Variants in MOB1A observed in about 807,000 individuals in gnomAD.
The protein encoded by MOB1A is MOB1 Mps One Binder homolog A.
MOB1A carries 10 observed loss-of-function variants against 25.1 expected under a neutral mutation model. The observed-to-expected ratio is 0.40, with a 90% confidence interval of 0.25 to 0.68. The LOEUF (loss-of-function observed/expected upper bound fraction) is 0.68, where lower values mean the gene tolerates loss of function less well. Among genes scored for constraint, MOB1A ranks in the 30% least tolerant of loss-of-function variants. The probability of loss-of-function intolerance (pLI) is 0.40; values close to 1 mark genes in which losing one functional copy is unlikely to be tolerated. For synonymous variants in MOB1A, 81 were observed against 79.5 expected (o/e 1.02, Z -0.10); for missense variants, 177 against 256.3 (o/e 0.69, Z 2.11).
chr2:74,172,629 CAT>C lies in MOB1A; in HGVS notation c.136_137del (p.Met46ValfsTer3). The C allele has an allele frequency of 6.2e-7, 1 of 1,613,946 alleles. No individual in the cohort carries two copies. On this transcript the variant is annotated frameshift_variant, in exon 2 of 6. Transcript: ENST00000396049. LOFTEE classifies it high-confidence loss of function. ...LGSGNLRQAV[M>X]LPEGEDLNEW... ...CATTGAGATCCTCTCCCTCAGGCAACATAACAGCTTGTCTCAGATTCCCACTT... is the reference window on the plus strand; with the variant it reads ...CATTGAGATCCTCTCCCTCAGGCAACAACAGCTTGTCTCAGATTCCCACTT...
chr2:74,178,629 AG>A, intron 1 of MOB1A, 31 bp downstream of exon 1: 1 of 1,377,740 alleles, frequency 7.3e-7, no homozygotes, highest in Non-Finnish European at 9.5e-7. Context: ...CTCGGCCCGC[AG>A]GCCCGGCGCC....
intron 1 of MOB1A, among the ~76,000 whole-genome samples, chr2:74,174,636 A>G (rs1331521556): frequency 1.3e-5 from 2 of 152,250 alleles, no homozygotes; most frequent in Non-Finnish European, 2.9e-5. Context: ...CACCATCCAT[A>G]AAGTCTTCCT....
intron 4 of MOB1A, 46 bp from the exon 5 acceptor site, chr2:74,159,300 G>C: frequency 1.3e-6 from 2 of 1,547,356 alleles, no homozygotes; most frequent in Non-Finnish European, 1.8e-6. Flanking sequence ...TTATCTAACA[G>C]TAGAAAGTTG....
At chr2:74,166,087 T>C (rs899253948) in intron 3 of MOB1A, among the ~76,000 whole-genome samples, 1 of 151,328 alleles carries the variant, frequency 6.6e-6, no homozygotes, top group East Asian at 1.9e-4. Flanking sequence ...TATCATCACA[T>C]AAAATCAGTC....
intron 4 of MOB1A, among the ~76,000 whole-genome samples, chr2:74,163,427 T>C (rs1693031987): frequency 6.6e-6 from 1 of 152,072 alleles, no homozygotes; most frequent in East Asian, 1.9e-4. Context: ...GCTTGAGCCC[T>C]GGAGTTCGAG....
intron 1 of MOB1A, among the ~76,000 whole-genome samples, chr2:74,175,406 T>C (rs6715845): frequency 0.053 from 8,050 of 152,132 alleles, 676 homozygotes; most frequent in African/African-American, 0.18. Flanking sequence ...TGTGGAAAAA[T>C]TGTCTTCCAC....
chr2:74,156,730 C>T (rs1285017859), intron 5 of MOB1A, 85 bp from the exon 6 acceptor site: 3 of 941,596 alleles, frequency 3.2e-6, no homozygotes, highest in Non-Finnish European at 4.8e-6. Flanking sequence ...ATTCCCAACT[C>T]TAGTTTTCTG....
intron 4 of MOB1A, chr2:74,164,032 C>A (rs537278746): frequency 1.5e-4 from 23 of 152,208 alleles, no homozygotes; most frequent in African/African-American, 5.5e-4. Context: ...CTAACAGATG[C>A]AGAGCCACAG....
intron 3 of MOB1A, 127 bp downstream of exon 3, chr2:74,166,887 A>G: frequency 1.6e-6 from 1 of 636,700 alleles, no homozygotes. Flanking sequence ...ACAGGTGAGT[A>G]GTCAAGAACC....
rs539137909 is a variant in MOB1A at position 74,174,444 on chromosome 2, A to G, written c.15-1692T>C. Among the ~76,000 whole-genome samples, 3 of 152,190 alleles carry G rather than the reference A, an allele frequency of 2.0e-5. No homozygotes were observed. In the East Asian group the frequency reaches 5.8e-4, roughly 29 times the overall value. ...GGCGGAATGGGGGGTGGGGAAGATA[A>G]AAAGAAAATGGCGCAGGGAGGTTTA... On this transcript the variant is annotated intron_variant, in intron 1 of 5. Transcript: ENST00000396049.
intron 1 of MOB1A, 103 bp downstream of exon 1, chr2:74,178,558 C>T (rs1693545127): frequency 1.2e-6 from 1 of 831,212 alleles, no homozygotes; most frequent in Non-Finnish European, 1.7e-6. Flanking sequence ...AGCTACCCCG[C>T]CCCCGCCTCG....
At chr2:74,175,920 G>A (rs1273724200) in intron 1 of MOB1A, among the ~76,000 whole-genome samples, 1 of 152,040 alleles carries the variant, frequency 6.6e-6, no homozygotes, top group South Asian at 2.1e-4. Flanking sequence ...TACTTTACCT[G>A]AGTAATTTGG....
intron 2 of MOB1A, among the ~76,000 whole-genome samples, chr2:74,171,848 A>C (rs967487863): frequency 6.6e-6 from 1 of 152,178 alleles, no homozygotes; most frequent in Non-Finnish European, 1.5e-5. Flanking sequence ...GGTTGCAGTG[A>C]AGCAAGATTG....
intron 1 of MOB1A, 53 bp downstream of exon 1, chr2:74,178,608 T>G: frequency 7.5e-7 from 1 of 1,326,186 alleles, no homozygotes; most frequent in Non-Finnish European, 9.8e-7. Flanking sequence ...CGGGGAGGCC[T>G]CCCCCACAAC....
intron 5 of MOB1A, among the ~76,000 whole-genome samples, chr2:74,158,173 C>A (rs1692854009): frequency 8.3e-6 from 1 of 120,498 alleles, no homozygotes; most frequent in African/African-American, 3.7e-5. Flanking sequence ...GAGCAAGACT[C>A]TGTCTCCAAA....
rs549279564 is a variant in MOB1A, at chr2:74,167,506, G to A, written c.182-399C>T. ...CCTCATGATCCACTCGCATGTAACA[G>A]CAGGAAAATAAGATACTGGAGATAA... is the stretch of plus-strand genomic sequence containing the variant. On this transcript the variant is annotated intron_variant, in intron 2 of 5. Coordinates refer to ENST00000396049, the MANE Select transcript of MOB1A (RefSeq NM_018221.5). 2.0e-5 allele frequency among the ~76,000 whole-genome samples: 3 copies of A among 152,228 alleles called. No individual in the cohort carries two copies. In the South Asian group the frequency reaches 6.2e-4, roughly 32 times the overall value.
chr2:74,168,697 A>G (rs1305489847), intron 2 of MOB1A, among the ~76,000 whole-genome samples: 1 of 152,196 alleles, frequency 6.6e-6, no homozygotes, highest in Non-Finnish European at 1.5e-5. Context: ...ACAACTAGGT[A>G]TTTTCCAAGT....
intron 5 of MOB1A, among the ~76,000 whole-genome samples, chr2:74,158,055 C>T (rs1692851051): frequency 1.3e-5 from 2 of 151,702 alleles, no homozygotes; most frequent in South Asian, 2.1e-4. Context: ...TGGCAGGTGC[C>T]TATAATCCCA....
intron 5 of MOB1A, among the ~76,000 whole-genome samples, chr2:74,157,894 G>A (rs936140186): frequency 3.3e-5 from 5 of 151,910 alleles, no homozygotes; most frequent in South Asian, 2.1e-4. Context: ...AAAATTACCC[G>A]AAAAAGGCCG....
Sources: allele counts gnomAD v4.1 joint callset (sites outside exome capture counted in the v4.1 genomes callset), GRCh38; gene constraint gnomAD v4.1.1; transcripts MANE v1.5; gene names NCBI Gene and HGNC (gene_info 2026-07-23, HGNC 2026-07-21).